EPYC: variants seen among roughly 807,000 people sequenced by gnomAD.
EPYC encodes the protein epiphycan, also known as dermatan sulfate proteoglycan 3.
EPYC carries 28 observed loss-of-function variants against 30.1 expected under a neutral mutation model. That is an observed-to-expected ratio of 0.93 (90% CI 0.69 to 1.28). The LOEUF (loss-of-function observed/expected upper bound fraction) is 1.28, where lower values mean the gene tolerates loss of function less well. Ranked by LOEUF, EPYC falls within the 50% of genes most tolerant of loss-of-function variation. The pLI is 0.00. For missense variants in EPYC, 382 were observed against 383.5 expected (o/e 1.00, Z 0.03); for synonymous variants, 144 against 141.4 (o/e 1.02, Z -0.13).
chr12:90,991,727 A>T (rs2120854112), intron 2 of EPYC, among the ~76,000 whole-genome samples: 1 of 152,282 alleles, frequency 6.6e-6, no homozygotes, highest in African/African-American at 2.4e-5. Context: ...CCTGGGTCTC[A>T]TCCACAAATC....
At chr12:90,992,649 C>T (rs1486097611) in intron 2 of EPYC, among the ~76,000 whole-genome samples, 2 of 152,110 alleles carry the variant, frequency 1.3e-5, no homozygotes, top group African/African-American at 4.8e-5. Flanking sequence ...ATTCTGCCAC[C>T]ATTGCATATT....
rs1191630423 is a variant in EPYC, at chr12:90,964,141, A to C, written c.*15T>G. The C allele has an allele frequency of 4.4e-6, 7 of 1,604,304 alleles. No individual in the cohort carries two copies. On this transcript the variant is annotated 3_prime_UTR_variant, in exon 7 of 7. Transcript: ENST00000261172. ...TATTTATAGTAGCCATCGTAATGCTAACCATTATCTGAAATTAGACAAGGC... is the reference window on the plus strand; with the variant it reads ...TATTTATAGTAGCCATCGTAATGCTCACCATTATCTGAAATTAGACAAGGC...
chr12:90,977,490 C>T (rs1376360599), intron 3 of EPYC, among the ~76,000 whole-genome samples: 3 of 152,060 alleles, frequency 2.0e-5, no homozygotes, highest in Admixed American at 1.3e-4. Flanking sequence ...AAATAAACAG[C>T]CAAGAATCTG....
At position 90,999,367 on chromosome 12, in the gene EPYC, G is replaced by A. The variant is rs141674154; in HGVS notation, c.165+3034C>T. 5.8e-3 allele frequency among the ~76,000 whole-genome samples: 879 copies of A among 152,026 alleles called. 8 individuals carry two copies. Among genetic ancestry groups the A allele is most frequent in the African/African-American group, 0.02 (837 of 41,482 alleles). On this transcript the variant is annotated intron_variant, in intron 2 of 6. Transcript: ENST00000261172. ...AAGTCTTATAACTTATAAGAAACTGGTACATATGTTAAAGGCATTGTTCAG... is the reference window on the plus strand; with the variant it reads ...AAGTCTTATAACTTATAAGAAACTGATACATATGTTAAAGGCATTGTTCAG...
chr12:90,964,204 A>G lies in EPYC; in HGVS notation c.921T>C (p.Pro307=). The G allele has an allele frequency of 6.2e-7, 1 of 1,613,438 alleles. No homozygotes were observed. The highest frequency in any genetic ancestry group is 8.5e-7 in the Non-Finnish European group (1 of 1,179,544). ...DGNPINLSKT[P]QAYMCLPRLP... is the part of the protein sequence containing the mutation. Reference sequence around the variant, plus strand: ...GACGAGGTAGACACATGTATGCTTGAGGAGTTTTGCTGAGATTAATAGGGT... The same window carrying G: ...GACGAGGTAGACACATGTATGCTTGGGGAGTTTTGCTGAGATTAATAGGGT... Residue 307 remains proline, a synonymous_variant, in exon 7 of 7, where the codon CCT becomes CCC. Transcript: ENST00000261172.
chr12:90,989,775 C>T (rs1348845652), intron 2 of EPYC, among the ~76,000 whole-genome samples: 1 of 151,928 alleles, frequency 6.6e-6, no homozygotes, highest in Admixed American at 6.6e-5. Context: ...TTTTAGTCAC[C>T]AGAAAGAGTT....
At chr12:90,981,650 G>T (rs1877328334) in intron 2 of EPYC, among the ~76,000 whole-genome samples, 1 of 151,814 alleles carries the variant, frequency 6.6e-6, no homozygotes, top group Non-Finnish European at 1.5e-5. Flanking sequence ...CTACTTTTTT[G>T]TCTTAATTTC....
At chr12:90,969,474 A>G (rs1264896158) in intron 6 of EPYC, among the ~76,000 whole-genome samples, 1 of 151,916 alleles carries the variant, frequency 6.6e-6, no homozygotes, top group East Asian at 1.9e-4. Flanking sequence ...CAAAGATAAC[A>G]TGTAGCTTAA....
chr12:90,998,275 A>G (rs1377088612), intron 2 of EPYC, among the ~76,000 whole-genome samples: 1 of 152,126 alleles, frequency 6.6e-6, no homozygotes, highest in Non-Finnish European at 1.5e-5. Context: ...TATTCACAGC[A>G]CTAGAGTAAA....
intron 2 of EPYC, among the ~76,000 whole-genome samples, chr12:90,994,025 G>T (rs1256230643): frequency 6.6e-6 from 1 of 151,982 alleles, no homozygotes; most frequent in African/African-American, 2.4e-5. Flanking sequence ...TACAGATCTC[G>T]TATACATATA....
chr12:90,987,035 T>C (rs1255794426), intron 2 of EPYC, among the ~76,000 whole-genome samples: 1 of 152,196 alleles, frequency 6.6e-6, no homozygotes, highest in Non-Finnish European at 1.5e-5. Flanking sequence ...CATTAAATGA[T>C]TGTTTTGTGT....
chr12:90,990,798 T>TA (rs148991920), intron 2 of EPYC, among the ~76,000 whole-genome samples: 3,838 of 152,184 alleles, frequency 0.025, 164 homozygotes, highest in African/African-American at 0.087. Context: ...ATTAGCATGA[T>TA]AAAAAAACAC....
At chr12:90,975,438 C>CTAAA in intron 3 of EPYC, among the ~76,000 whole-genome samples, 1 of 151,764 alleles carries the variant, frequency 6.6e-6, no homozygotes, top group East Asian at 1.9e-4. Context: ...TTTTAATATT[C>CTAAA]TAAATATTTC....
chr12:90,982,731 C>T (rs1877350002), intron 2 of EPYC, among the ~76,000 whole-genome samples: 1 of 152,126 alleles, frequency 6.6e-6, no homozygotes, highest in African/African-American at 2.4e-5. Flanking sequence ...ACACTGAGAT[C>T]ATATGGTATT....
Position 91,002,515 on chromosome 12 carries a change from A to C in EPYC, c.51T>G (p.Ala17=). The part of the protein sequence containing the change: ...LVLGLVIFDA[A]VTAPTLESIN... ...TGGACTCTAGAGTTGGGGCAGTCAC[A>C]GCAGCATCAAAGATGACAAGTCCCA... Residue 17 remains alanine (A), a synonymous_variant, in exon 2 of 7, where the codon GCT becomes GCG. Transcript: ENST00000261172. 6.2e-7 allele frequency: 1 copy of C among 1,613,288 alleles called. No individual in the cohort carries two copies. The highest frequency in any genetic ancestry group is 8.5e-7 in the Non-Finnish European group (1 of 1,179,572).
chr12:90,999,285 T>A (rs1171570219), intron 2 of EPYC, among the ~76,000 whole-genome samples: 2 of 152,080 alleles, frequency 1.3e-5, no homozygotes, highest in Non-Finnish European at 2.9e-5. Context: ...TCAAAGGCCT[T>A]AAGAATTAAT....
intron 2 of EPYC, among the ~76,000 whole-genome samples, chr12:90,988,392 G>A (rs905113686): frequency 2.0e-5 from 3 of 152,058 alleles, no homozygotes; most frequent in African/African-American, 7.2e-5. Context: ...AGAGAGGAAT[G>A]GTTTGTTATT....
At chr12:91,002,600 G>T (rs758493305) in intron 1 of EPYC, 22 bp from the exon 2 acceptor site, 5 of 1,509,824 alleles carry the variant, frequency 3.3e-6, no homozygotes, top group African/African-American at 1.4e-5. Context: ...ATATTAAAAT[G>T]CATAAATATT....
chr12:90,978,474 G>C (rs905616249), intron 2 of EPYC, among the ~76,000 whole-genome samples: 1 of 150,026 alleles, frequency 6.7e-6, no homozygotes, highest in East Asian at 1.9e-4. Context: ...AATCTTAGAA[G>C]TTGTTTCCAA....
Sources: gnomAD v4.1 joint callset for allele counts (sites outside exome capture counted in the v4.1 genomes callset) on GRCh38, gnomAD v4.1.1 for gene constraint, MANE v1.5 for transcripts, NCBI Gene and HGNC (gene_info 2026-07-23, HGNC 2026-07-21) for gene names.